WDFY4: variants seen among roughly 807,000 people sequenced by gnomAD.
WDFY4 encodes the protein WD repeat- and FYVE domain-containing protein 4.
A neutral mutation model predicts 351.9 loss-of-function variants in WDFY4; 169 were observed. The ratio of observed to expected loss-of-function variants is 0.48; its 90% confidence interval spans 0.42 to 0.55. The LOEUF (loss-of-function observed/expected upper bound fraction) is 0.55. WDFY4 is among the 20% of genes least tolerant of loss of function. The pLI, the probability that WDFY4 is intolerant of heterozygous loss-of-function variation, is 0.00. For synonymous variants in WDFY4, 1,622 were observed against 1,574.6 expected (o/e 1.03, Z -0.71); for missense variants, 3,803 against 3,935.6 (o/e 0.97, Z 0.90).
At chr10:48,857,844 G>A (rs559976527) in intron 39 of WDFY4, among the ~76,000 whole-genome samples, 1 of 152,014 alleles carries the variant, frequency 6.6e-6, no homozygotes, top group South Asian at 2.1e-4. Context: ...CCAGGCTGGA[G>A]TGCAACGGTG....
At chr10:48,873,729 T>C (rs1364618683) in intron 41 of WDFY4, 32 bp downstream of exon 41, 2 of 1,549,408 alleles carry the variant, frequency 1.3e-6, no homozygotes, top group Non-Finnish European at 1.7e-6. Flanking sequence ...ACAGTGCTGG[T>C]TCCAGGTAGG....
At chr10:48,916,209 T>C (rs1020633296) in intron 47 of WDFY4, among the ~76,000 whole-genome samples, 1 of 152,194 alleles carries the variant, frequency 6.6e-6, no homozygotes, top group Non-Finnish European at 1.5e-5. Flanking sequence ...ACCGTTTCTC[T>C]TGGCTTGGAC....
chr10:48,884,970 G>A (rs2070397068), intron 43 of WDFY4, among the ~76,000 whole-genome samples: 1 of 152,208 alleles, frequency 6.6e-6, no homozygotes, highest in Admixed American at 6.5e-5. Context: ...CTCCCAGGGA[G>A]TGGGGCATAT....
intron 39 of WDFY4, 64 bp downstream of exon 39, chr10:48,832,773 A>G (rs2068236287): frequency 7.0e-7 from 1 of 1,436,160 alleles, no homozygotes; most frequent in Non-Finnish European, 9.2e-7. Flanking sequence ...CATGAGTCAT[A>G]TCTCTTCTTT....
chr10:48,924,924 T>C (rs1034075770), intron 47 of WDFY4, among the ~76,000 whole-genome samples: 2 of 152,248 alleles, frequency 1.3e-5, no homozygotes, highest in African/African-American at 4.8e-5. Context: ...AATAGCTTGC[T>C]AACACAATCT....
chr10:48,837,510 A>T (rs538671082), intron 39 of WDFY4, among the ~76,000 whole-genome samples: 2 of 152,212 alleles, frequency 1.3e-5, no homozygotes, highest in East Asian at 1.9e-4. Context: ...CAGGTGGGAG[A>T]TAGTGGGGGC....
At chr10:48,823,747 C>T (rs2067906373) in intron 35 of WDFY4, 2 of 991,970 alleles carry the variant, frequency 2.0e-6, no homozygotes, top group Middle Eastern at 5.2e-4. Flanking sequence ...TGGGGGCCAC[C>T]GTGCTTTCAG....
At chr10:48,699,340 A>C (rs1299932913) in intron 1 of WDFY4, among the ~76,000 whole-genome samples, 5 of 152,216 alleles carry the variant, frequency 3.3e-5, no homozygotes, top group African/African-American at 1.2e-4. Context: ...GCAGAGGCAC[A>C]GGGACCTATT....
chr10:48,803,794 G>A (rs1482126488), intron 25 of WDFY4, among the ~76,000 whole-genome samples: 5 of 152,218 alleles, frequency 3.3e-5, no homozygotes. Flanking sequence ...GACCAGTAAA[G>A]AGGGACTTCG....
chr10:48,884,064 T>TCCTCAAGTGA (rs1421609375), intron 43 of WDFY4: 1 of 152,194 alleles, frequency 6.6e-6, no homozygotes, highest in African/African-American at 2.4e-5. Flanking sequence ...CCAGAGTCAG[T>TCCTCAAGTGA]CCTCAAGTGA....
At chr10:48,903,270 C>T (rs536491840) in intron 47 of WDFY4, among the ~76,000 whole-genome samples, 2 of 152,252 alleles carry the variant, frequency 1.3e-5, no homozygotes, top group African/African-American at 4.8e-5. Context: ...GCAAGATTCT[C>T]ATGTCGGTTT....
chr10:48,927,479 C>T (rs1180885047), intron 47 of WDFY4, among the ~76,000 whole-genome samples: 2 of 152,162 alleles, frequency 1.3e-5, no homozygotes, highest in Non-Finnish European at 2.9e-5. Context: ...AACTTCCACC[C>T]ACATGCCTGT....
intron 20 of WDFY4, 107 bp from the exon 21 acceptor site, chr10:48,788,423 C>T (rs1276748778): frequency 5.3e-6 from 7 of 1,316,012 alleles, no homozygotes; most frequent in Non-Finnish European, 7.2e-6. Flanking sequence ...ATACAAACAT[C>T]CTCTCAATGA....
At chr10:48,800,257 C>A (rs11101500) in intron 24 of WDFY4, among the ~76,000 whole-genome samples, 1 of 152,160 alleles carries the variant, frequency 6.6e-6, no homozygotes, top group Non-Finnish European at 1.5e-5. Context: ...AAAAACCAGA[C>A]AGTTAAAATA....
At chr10:48,882,303 G>A (rs2070284119) in intron 43 of WDFY4, among the ~76,000 whole-genome samples, 1 of 152,198 alleles carries the variant, frequency 6.6e-6, no homozygotes, top group African/African-American at 2.4e-5. Context: ...GTGCCCAGGA[G>A]GGCAGCTTGG....
chr10:48,915,519 G>A (rs141290254), intron 47 of WDFY4, among the ~76,000 whole-genome samples: 1 of 152,084 alleles, frequency 6.6e-6, no homozygotes, highest in Non-Finnish European at 1.5e-5. Flanking sequence ...GCAGGGAGAG[G>A]TGCTCTACAG....
In WDFY4 at chr10:48,777,260, C is replaced by T. The variant is rs113626058; in HGVS notation, c.3099-159C>T. ...CAATTCCTTCCCTTAGGCATCCTAC[C>T]AGCACCAGCTGCAGTCCATCCTTGG... On this transcript the variant is annotated intron_variant, in intron 16 of 61. Transcript: ENST00000325239. Among the ~76,000 whole-genome samples, 128 of 152,314 alleles carry T rather than the reference C, an allele frequency of 8.4e-4. 1 individual carries two copies. The highest frequency in any genetic ancestry group is 3.0e-3 in the African/African-American group (126 of 41,578).
rs577560941 is a variant in WDFY4, at chr10:48,708,307, C to T, written c.-17-1409C>T. On this transcript the variant is annotated intron_variant, in intron 1 of 61. Transcript: ENST00000325239. ...GGGCTGGTTATCCTTGCCGGTGTCA[C>T]GTGGCTAAACCCCATTCTAGCCTTC... Among the ~76,000 whole-genome samples the T allele has an allele frequency of 3.9e-5, 6 of 152,244 alleles. No individual in the cohort carries two copies. In the South Asian group the frequency reaches 6.2e-4, roughly 16 times the overall value.
At chr10:48,781,442 G>A (rs1032529368) in intron 19 of WDFY4, among the ~76,000 whole-genome samples, 5 of 151,912 alleles carry the variant, frequency 3.3e-5, no homozygotes, top group African/African-American at 4.8e-5. Flanking sequence ...GATTACAAGC[G>A]CCCACCACCA....
Sources: gnomAD v4.1 joint callset for allele counts (sites outside exome capture counted in the v4.1 genomes callset) on GRCh38, gnomAD v4.1.1 for gene constraint, MANE v1.5 for transcripts, NCBI Gene and HGNC (gene_info 2026-07-23, HGNC 2026-07-21) for gene names.